Variants in PTPRM observed in about 807,000 individuals in gnomAD.
PTPRM encodes receptor-type tyrosine-protein phosphatase mu.
Under a neutral mutation model 186.7 loss-of-function variants are expected in PTPRM, and 47 were observed. The ratio of observed to expected loss-of-function variants is 0.25; its 90% CI spans 0.20 to 0.32. The LOEUF (loss-of-function observed/expected upper bound fraction) is 0.32, where lower values mean the gene tolerates loss of function less well. Ranked by LOEUF, PTPRM falls within the 10% of genes least tolerant of loss-of-function variation. The pLI, the probability that PTPRM is intolerant of heterozygous loss-of-function variation, is 1.00. For synonymous variants in PTPRM, 668 were observed against 674.9 expected, an observed-to-expected ratio of 0.99 and a Z score of 0.16; for missense variants, 1,494 against 1,865.0, an observed-to-expected ratio of 0.80 and a Z score of 3.66.
At chr18:8,237,425 C>A (rs1228584233) in intron 14 of PTPRM, among the ~76,000 whole-genome samples, 1 of 145,626 alleles carries the variant, frequency 6.9e-6, no homozygotes, top group Non-Finnish European at 1.5e-5. Flanking sequence ...GCAACTGATT[C>A]CCTCAATTTT....
intron 14 of PTPRM, among the ~76,000 whole-genome samples, chr18:8,203,300 C>T (rs1238578080): frequency 6.6e-6 from 1 of 152,144 alleles, no homozygotes; most frequent in Admixed American, 6.5e-5. Context: ...AAGTATGATA[C>T]AAACTACTAC....
Position 8,023,247 on chromosome 18 carries a change from A to T in PTPRM, c.1133-46439A>T, listed in dbSNP as rs866616477. Among the ~76,000 whole-genome samples, 3 of 152,290 alleles carry T rather than the reference A, an allele frequency of 2.0e-5. 1 individual carries two copies. In the Middle Eastern group the frequency reaches 0.01, roughly 518 times the overall value. Reference sequence around the variant, plus strand: ...GCTGATGGCTGGGAAGAGATGGACAAACTAATGAAAGAGACTAAAAGTTCA... The same window carrying T: ...GCTGATGGCTGGGAAGAGATGGACATACTAATGAAAGAGACTAAAAGTTCA... On this transcript the variant is annotated intron_variant, in intron 7 of 32. Coordinates refer to ENST00000580170, the MANE Select transcript of PTPRM (RefSeq NM_001105244.2).
chr18:7,690,329 T>G (rs2039706132), intron 1 of PTPRM, among the ~76,000 whole-genome samples: 1 of 152,226 alleles, frequency 6.6e-6, no homozygotes, highest in African/African-American at 2.4e-5. Context: ...AGAAATTGTG[T>G]TTTAAACTGT....
chr18:7,977,385 A>C (rs1355999388), intron 7 of PTPRM, among the ~76,000 whole-genome samples: 2 of 152,010 alleles, frequency 1.3e-5, no homozygotes, highest in Admixed American at 1.3e-4. Context: ...GACCGCACCC[A>C]GCTTCCTGAG....
At chr18:7,903,414 G>A (rs2049806124) in intron 3 of PTPRM, among the ~76,000 whole-genome samples, 1 of 152,224 alleles carries the variant, frequency 6.6e-6, no homozygotes, top group Admixed American at 6.5e-5. Context: ...GCAGGTTCCT[G>A]CAGTGCCAAC....
chr18:8,344,448 G>GTGTGTATATATATATA (rs1360655194), intron 23 of PTPRM, among the ~76,000 whole-genome samples: 2 of 33,420 alleles, frequency 6.0e-5, no homozygotes, highest in African/African-American at 1.5e-4. Flanking sequence ...GTGTGTGTGT[G>GTGTGTATATATATATA]TATATATATA....
intron 14 of PTPRM, among the ~76,000 whole-genome samples, chr18:8,163,970 G>A (rs1325259930): frequency 6.6e-6 from 1 of 152,190 alleles, no homozygotes; most frequent in African/African-American, 2.4e-5. Context: ...TAATTTTAGT[G>A]ATAATACGTG....
chr18:8,097,601 G>T (rs557077042), intron 11 of PTPRM, among the ~76,000 whole-genome samples: 11 of 152,308 alleles, frequency 7.2e-5, no homozygotes, highest in African/African-American at 2.6e-4. Context: ...CTAGGGTTGT[G>T]ATAAAAGCTG....
chr18:8,011,466 G>A lies in PTPRM; in HGVS notation c.1132+56052G>A, dbSNP rs368912505. Among the ~76,000 whole-genome samples, 35 of 152,166 alleles carry A rather than the reference G, an allele frequency of 2.3e-4. 1 individual carries two copies. The East Asian group carries it at 2.3e-3, about 10-fold the overall frequency. On this transcript the variant is annotated intron_variant, in intron 7 of 32. Coordinates refer to ENST00000580170, the MANE Select transcript of PTPRM (RefSeq NM_001105244.2). Reference sequence around the variant, plus strand: ...CTCTTCATGGTTTCACTACATTCCCGTTTCTTTTAACCCATATTTAGGCTC... The same window carrying A: ...CTCTTCATGGTTTCACTACATTCCCATTTCTTTTAACCCATATTTAGGCTC...
chr18:8,344,610 T>C (rs1168157659), intron 23 of PTPRM, among the ~76,000 whole-genome samples: 3 of 152,024 alleles, frequency 2.0e-5, no homozygotes, highest in Admixed American at 6.6e-5. Context: ...TTTAAATGTT[T>C]AGCTTAGCCC....
chr18:8,369,021 G>A (rs1421479022), intron 23 of PTPRM, among the ~76,000 whole-genome samples: 3 of 152,192 alleles, frequency 2.0e-5, no homozygotes, highest in East Asian at 1.9e-4. Flanking sequence ...GGAGTGCAGC[G>A]TGTGAGATGT....
rs369552401 is a variant in PTPRM, at chr18:8,384,513, T to C, written c.3919-48T>C. ...CTAACCTTATCCAAACTGTTAGGAG[T>C]AAATTTCCTCTTATAACTAACCTTG... On this transcript the variant is annotated intron_variant, in intron 29 of 32. Transcript: ENST00000580170. 16 of 1,606,134 alleles carry C rather than the reference T, an allele frequency of 1.0e-5. No homozygotes were observed. The African/African-American group carries it at 2.0e-4, about 20-fold the overall frequency.
At chr18:8,405,572 A>G (rs1393110996) in intron 32 of PTPRM, among the ~76,000 whole-genome samples, 1 of 152,120 alleles carries the variant, frequency 6.6e-6, no homozygotes, top group Non-Finnish European at 1.5e-5. Context: ...CATCCTCCTC[A>G]CTGGATCACG....
chr18:8,317,458 T>C (rs1232958769), intron 21 of PTPRM, among the ~76,000 whole-genome samples: 1 of 152,062 alleles, frequency 6.6e-6, no homozygotes, highest in Non-Finnish European at 1.5e-5. Context: ...GCATCAAAAT[T>C]CCCAGGAAAA....
Position 8,224,300 on chromosome 18 carries a change from A to C in PTPRM, c.2301-19758A>C, listed in dbSNP as rs78848777. Among the ~76,000 whole-genome samples, 1,292 of 152,338 alleles carry C rather than the reference A, an allele frequency of 8.5e-3. 8 individuals are homozygous for C. Among genetic ancestry groups the C allele is most frequent in the South Asian group, 0.02 (97 of 4,824 alleles). Reference sequence around the variant, plus strand: ...TTAAATCTTGTGACTCTTCAATCACAAGAAAAGGGGAAAGACAGTCAATGA... The same window carrying C: ...TTAAATCTTGTGACTCTTCAATCACCAGAAAAGGGGAAAGACAGTCAATGA... On this transcript the variant is annotated intron_variant, in intron 14 of 32. Coordinates refer to ENST00000580170, the MANE Select transcript of PTPRM (RefSeq NM_001105244.2).
rs1486568213 is a variant in PTPRM, at chr18:8,158,300, C to T, written c.2300+14521C>T. On this transcript the variant is annotated intron_variant, in intron 14 of 32. Coordinates refer to ENST00000580170, the MANE Select transcript of PTPRM (RefSeq NM_001105244.2). ...TCTCAAGATGGAGTGTGTTGACATT[C>T]CCAGTCCCACCCAAGTGCTTCATGA... Among the ~76,000 whole-genome samples the T allele has an allele frequency of 2.0e-5, 3 of 152,164 alleles. No individual in the cohort carries two copies. In the South Asian group the frequency reaches 6.2e-4, roughly 32 times the overall value.
At chr18:7,817,442 T>C (rs1402056637) in intron 2 of PTPRM, among the ~76,000 whole-genome samples, 4 of 152,208 alleles carry the variant, frequency 2.6e-5, no homozygotes. Context: ...AAATGTAATA[T>C]TAGATACCAT....
At chr18:7,640,770 C>T (rs1598600698) in intron 1 of PTPRM, among the ~76,000 whole-genome samples, 1 of 152,094 alleles carries the variant, frequency 6.6e-6, no homozygotes, top group East Asian at 1.9e-4. Context: ...TACATCAAAA[C>T]CTTAATATGT....
At position 8,113,682 on chromosome 18, in the gene PTPRM, AATGGAT is replaced by A. The variant is rs2091848926; in HGVS notation, c.2055_2060del (p.Gly686_Tyr687del). ...TACAATTGGTGATAATAAGACATAT[AATGGAT>A]ACTGGAACACTCCCCTTCTCCCCTA... On this transcript the variant is annotated inframe_deletion, in exon 12 of 33. Transcript: ENST00000580170. The A allele has an allele frequency of 6.2e-7, 1 of 1,613,670 alleles. No individual in the cohort carries two copies. The highest frequency in any genetic ancestry group is 1.3e-5 in the African/African-American group (1 of 74,934).
Sources: gnomAD v4.1 joint callset for allele counts (sites outside exome capture counted in the v4.1 genomes callset) on GRCh38, gnomAD v4.1.1 for gene constraint, MANE v1.5 for transcripts, NCBI Gene and HGNC (gene_info 2026-07-23, HGNC 2026-07-21) for gene names.